The following HMCN1 variants were observed in gnomAD, a reference collection of about 807,000 sequenced individuals.
HMCN1 encodes hemicentin 1.
A neutral mutation model predicts 625.9 loss-of-function variants in HMCN1; 321 were observed. The observed-to-expected ratio is 0.51, with a 90% confidence interval of 0.47 to 0.56. The LOEUF (loss-of-function observed/expected upper bound fraction) is 0.56. Among genes scored for constraint, HMCN1 ranks in the 20% least tolerant of loss-of-function variants. HMCN1 has a pLI of 0.00. For synonymous variants in HMCN1, 2,425 were observed against 2,417.6 expected (o/e 1.00, Z -0.09); for missense variants, 6,588 against 6,887.3 (o/e 0.96, Z 1.54).
intron 23 of HMCN1, 48 bp downstream of exon 23, chr1:185,993,357 C>A (rs755476567): frequency 2.5e-6 from 4 of 1,604,794 alleles, no homozygotes; most frequent in African/African-American, 2.7e-5. Flanking sequence ...ACTGGCCACA[C>A]AAAAACCCGT....
At chr1:186,078,738 G>T (rs1323375381) in intron 55 of HMCN1, among the ~76,000 whole-genome samples, 1 of 152,156 alleles carries the variant, frequency 6.6e-6, no homozygotes, top group Non-Finnish European at 1.5e-5. Flanking sequence ...TGTGAATCAC[G>T]TATCCATCCA....
At chr1:185,809,012 C>A (rs1161373991) in intron 1 of HMCN1, among the ~76,000 whole-genome samples, 1 of 152,132 alleles carries the variant, frequency 6.6e-6, no homozygotes, top group Non-Finnish European at 1.5e-5. Context: ...CCAAAGGATC[C>A]AAATGGGTAA....
chr1:186,129,211 AAACTT>A (rs1382207606), intron 83 of HMCN1, among the ~76,000 whole-genome samples: 19 of 151,638 alleles, frequency 1.3e-4, no homozygotes, highest in Non-Finnish European at 1.8e-4. Flanking sequence ...TAAAAAAAAA[AAACTT>A]AAATGAGGAG....
intron 1 of HMCN1, among the ~76,000 whole-genome samples, chr1:185,814,696 ATTT>A (rs57781378): frequency 6.9e-6 from 1 of 145,838 alleles, no homozygotes; most frequent in African/African-American, 2.7e-5. Flanking sequence ...ATTATTATTT[ATTT>A]TTTTTTTTTT....
chr1:185,958,047 TTAAA>T (rs1397767518), intron 11 of HMCN1, among the ~76,000 whole-genome samples: 4 of 152,324 alleles, frequency 2.6e-5, no homozygotes, highest in African/African-American at 2.4e-5. Context: ...TTCAGAAGAA[TTAAA>T]TAAGATATAA....
chr1:186,048,797 G>T lies in HMCN1; in HGVS notation c.6535G>T (p.Val2179Phe). ...TGRYTCEATN[V>F]AGKTEKNYNV... ...TCGTTACACTTGTGAAGCAACAAAT[G>T]TTGCTGGAAAAACTGAAAAAAACTA... The change falls in exon 42 of 107, where the codon GTT (valine) becomes TTT (phenylalanine). Residue 2179 changes from valine to phenylalanine, a missense_variant. Coordinates refer to ENST00000271588, the MANE Select transcript of HMCN1 (RefSeq NM_031935.3). 6.2e-7 allele frequency: 1 copy of T among 1,611,920 alleles called. No homozygotes were observed.
chr1:185,892,775 C>G (rs1048117575), intron 4 of HMCN1, among the ~76,000 whole-genome samples: 3 of 152,162 alleles, frequency 2.0e-5, no homozygotes, highest in African/African-American at 7.2e-5. Context: ...TTTGTCTGTG[C>G]CCTGCCCCCA....
intron 75 of HMCN1, 146 bp from the exon 76 acceptor site, chr1:186,116,848 G>C: frequency 1.3e-6 from 1 of 795,250 alleles, no homozygotes; most frequent in Non-Finnish European, 2.1e-6. Context: ...AATGCATAAA[G>C]TTGGCCTCAG....
chr1:186,070,412 G>A (rs926994830), intron 51 of HMCN1, among the ~76,000 whole-genome samples, 200 bp from the exon 52 acceptor site: 2 of 151,966 alleles, frequency 1.3e-5, no homozygotes, highest in African/African-American at 4.8e-5. Context: ...CATGATAAAG[G>A]GAGAAAGAGA....
In HMCN1 at chr1:186,032,881, A is replaced by T. The variant is rs1204990647; in HGVS notation, c.5750-5053A>T. On this transcript the variant is annotated intron_variant, in intron 36 of 106. Coordinates refer to ENST00000271588, the MANE Select transcript of HMCN1 (RefSeq NM_031935.3). ...GATTCCTTAAGGAACCAAAAGTAGA[A>T]CTACCATTCAACCCAGGAATCTCAC... Among the ~76,000 whole-genome samples, 5 of 152,160 alleles carry T rather than the reference A, an allele frequency of 3.3e-5. No homozygotes were observed. The East Asian group carries it at 9.6e-4, about 29-fold the overall frequency.
rs757533275 is a variant in HMCN1 at position 186,166,797 on chromosome 1, C to T, written c.15440-11C>T. On this transcript the variant is annotated splice_polypyrimidine_tract_variant and intron_variant, in intron 99 of 106. Transcript: ENST00000271588. ...CAGCTCACCTCAGTTGAATGATTCC[C>T]TCTGTTGCAGATATTGATGAGTGTG... The T allele has an allele frequency of 1.5e-5, 25 of 1,614,092 alleles. No individual in the cohort carries two copies. Among genetic ancestry groups the T allele is most frequent in the Non-Finnish European group, 1.9e-5 (23 of 1,179,988 alleles).
At chr1:186,166,994 CA>C (rs1186825793) in intron 100 of HMCN1, 52 bp downstream of exon 100, 1 of 1,608,674 alleles carries the variant, frequency 6.2e-7, no homozygotes, top group Non-Finnish European at 8.5e-7. Flanking sequence ...GAATTAGACC[CA>C]CCTTTTGACT....
At chr1:186,014,051 A>T (rs895386797) in intron 30 of HMCN1, among the ~76,000 whole-genome samples, 18 of 152,148 alleles carry the variant, frequency 1.2e-4, no homozygotes, top group African/African-American at 4.1e-4. Flanking sequence ...AAATATGGCA[A>T]ACACTACCTT....
At chr1:186,037,656 A>G (rs1190769209) in intron 36 of HMCN1, among the ~76,000 whole-genome samples, 1 of 152,288 alleles carries the variant, frequency 6.6e-6, no homozygotes, top group African/African-American at 2.4e-5. Context: ...AAAATAAAAA[A>G]TGTTTCTTTA....
At chr1:186,157,525 G>A (rs760805625) in intron 97 of HMCN1, among the ~76,000 whole-genome samples, 17 of 152,020 alleles carry the variant, frequency 1.1e-4, no homozygotes, top group Non-Finnish European at 2.2e-4. Flanking sequence ...TAGGGTACAT[G>A]TGCACAATGT....
At chr1:185,958,750 C>A (rs1649799759) in intron 11 of HMCN1, among the ~76,000 whole-genome samples, 1 of 152,118 alleles carries the variant, frequency 6.6e-6, no homozygotes, top group Admixed American at 6.5e-5. Flanking sequence ...CATTTGAATT[C>A]CAGCTCCACC....
Position 186,086,422 on chromosome 1 carries a change from A to T in HMCN1, c.9046+15A>T. ...CATTGTGCCTGGTAAGGAACTTCTT[A>T]TTATAAAGCAGGCAAAATTTTCTCA... On this transcript the variant is annotated intron_variant, in intron 58 of 106. Transcript: ENST00000271588. 1 of 1,612,196 alleles carries T rather than the reference A, an allele frequency of 6.2e-7. No homozygotes were observed. Among genetic ancestry groups the T allele is most frequent in the Non-Finnish European group, 8.5e-7 (1 of 1,178,752 alleles).
At chr1:186,002,169 T>G (rs983432032) in intron 28 of HMCN1, among the ~76,000 whole-genome samples, 2 of 152,102 alleles carry the variant, frequency 1.3e-5, no homozygotes, top group African/African-American at 2.4e-5. Context: ...TAAATCCACT[T>G]TCCCCTGCAT....
chr1:185,737,159 A>AT (rs879391788), intron 1 of HMCN1, among the ~76,000 whole-genome samples: 139 of 139,978 alleles, frequency 9.9e-4, no homozygotes, highest in Middle Eastern at 3.6e-3. Flanking sequence ...GTTGTTGTTT[A>AT]TTTTTTTTTT....
Sources: gnomAD v4.1 joint callset for allele counts (sites outside exome capture counted in the v4.1 genomes callset) on GRCh38, gnomAD v4.1.1 for gene constraint, MANE v1.5 for transcripts, NCBI Gene and HGNC (gene_info 2026-07-23, HGNC 2026-07-21) for gene names.